Variants in KIF26B observed in about 807,000 individuals in gnomAD.
KIF26B encodes the protein kinesin-like protein KIF26B.
Under a neutral mutation model 151.2 loss-of-function variants are expected in KIF26B, and 63 were observed. The ratio of observed to expected loss-of-function variants is 0.42; its 90% confidence interval spans 0.34 to 0.51. The LOEUF is 0.51. Ranked by LOEUF, KIF26B falls within the 20% of genes least tolerant of loss-of-function variation. The probability of loss-of-function intolerance (pLI) is 0.07; values close to 1 mark genes in which losing one functional copy is unlikely to be tolerated. For synonymous variants in KIF26B, 1,357 were observed against 1,262.1 expected (o/e 1.08, Z -1.59); for missense variants, 2,813 against 2,913.6 (o/e 0.97, Z 0.79).
chr1:245,651,756 G>A (rs543257987), intron 10 of KIF26B, among the ~76,000 whole-genome samples: 5 of 152,166 alleles, frequency 3.3e-5, no homozygotes, highest in South Asian at 2.1e-4. Flanking sequence ...CTGTGTGTGC[G>A]AGGGATCTAG....
intron 12 of KIF26B, among the ~76,000 whole-genome samples, chr1:245,695,015 T>C (rs948089707): frequency 4.6e-5 from 7 of 152,072 alleles, no homozygotes; most frequent in Admixed American, 2.0e-4. Flanking sequence ...ACCACACGAC[T>C]CCCGCCAGGG....
At chr1:245,203,266 G>C (rs567889743) in intron 2 of KIF26B, among the ~76,000 whole-genome samples, 4 of 56,960 alleles carry the variant, frequency 7.0e-5, no homozygotes, top group African/African-American at 2.2e-4. Flanking sequence ...AAAAGAAAAT[G>C]AGTTAAAGTT....
intron 2 of KIF26B, among the ~76,000 whole-genome samples, chr1:245,245,259 G>C (rs1284054872): frequency 1.3e-5 from 2 of 152,164 alleles, no homozygotes; most frequent in Non-Finnish European, 2.9e-5. Context: ...TTGTCTCTCT[G>C]AGATAGCCAC....
At chr1:245,278,105 C>CA (rs1245292813) in intron 2 of KIF26B, among the ~76,000 whole-genome samples, 4 of 152,072 alleles carry the variant, frequency 2.6e-5, no homozygotes, top group Non-Finnish European at 5.9e-5. Context: ...AGGGAGGTGG[C>CA]ATAATAACAA....
chr1:245,336,510 C>T (rs928976348), intron 2 of KIF26B, among the ~76,000 whole-genome samples: 4 of 152,198 alleles, frequency 2.6e-5, no homozygotes, highest in Non-Finnish European at 5.9e-5. Context: ...CCTTTCTTCA[C>T]GCACGTGGAA....
chr1:245,568,771 C>G (rs944879627), intron 5 of KIF26B, among the ~76,000 whole-genome samples: 2 of 152,090 alleles, frequency 1.3e-5, no homozygotes, highest in Non-Finnish European at 2.9e-5. Flanking sequence ...AGTGTCACAG[C>G]AAGGGTCAAG....
At chr1:245,368,956 G>A (rs113235001) in intron 3 of KIF26B, among the ~76,000 whole-genome samples, 5,391 of 152,026 alleles carry the variant, frequency 0.035, 309 homozygotes, top group African/African-American at 0.12. Context: ...GCATCCTGGC[G>A]AAAACCCGTC....
In KIF26B at chr1:245,640,667, TATCA is replaced by T. The variant is rs1467851919; in HGVS notation, c.2099-5451_2099-5448del. ...TAATTTGCTGCTTTTATTTTTTGTT[TATCA>T]ATTATAGATTTTTGCTTTAGGTTAC... is the stretch of plus-strand genomic sequence containing the variant. On this transcript the variant is annotated intron_variant, in intron 9 of 14. Coordinates refer to ENST00000407071, the MANE Select transcript of KIF26B (RefSeq NM_018012.4). Among the ~76,000 whole-genome samples, 11 of 152,282 alleles carry T rather than the reference TATCA, an allele frequency of 7.2e-5. No individual in the cohort carries two copies. In the East Asian group the frequency reaches 2.1e-3, roughly 29 times the overall value.
In KIF26B at chr1:245,540,422, T is replaced by A. The variant is rs1413095879; in HGVS notation, c.1167-345T>A. ...CGCACCTGAGTTTATGCCAGAGAAGTTGTGGAGTGATGAACTTAATGGGTG... is the reference window on the plus strand; with the variant it reads ...CGCACCTGAGTTTATGCCAGAGAAGATGTGGAGTGATGAACTTAATGGGTG... On this transcript the variant is annotated intron_variant, in intron 4 of 14. Coordinates refer to ENST00000407071, the MANE Select transcript of KIF26B (RefSeq NM_018012.4). The surrounding 1 kb of genome is among the most constrained non-coding windows in gnomAD (Gnocchi z 4.6). Among the ~76,000 whole-genome samples the A allele has an allele frequency of 6.6e-6, 1 of 152,170 alleles. No homozygotes were observed. The highest frequency in any genetic ancestry group is 1.9e-4 in the East Asian group (1 of 5,190).
intron 5 of KIF26B, among the ~76,000 whole-genome samples, chr1:245,541,199 G>C (rs1354327727): frequency 6.6e-6 from 1 of 152,190 alleles, no homozygotes; most frequent in African/African-American, 2.4e-5. Flanking sequence ...TGCATTGTTT[G>C]ACAGAATCGT....
At chr1:245,679,457 GTTTTTTTTTTTTTTT>G (rs35663208) in intron 10 of KIF26B, among the ~76,000 whole-genome samples, 1 of 59,176 alleles carries the variant, frequency 1.7e-5, no homozygotes, top group African/African-American at 6.0e-5. Context: ...TTTTGTGTGT[GTTTTTTTTTTTTTTT>G]TTTTTTTTTT....
chr1:245,472,685 G>C (rs972020673), intron 4 of KIF26B, among the ~76,000 whole-genome samples: 1 of 152,200 alleles, frequency 6.6e-6, no homozygotes, highest in African/African-American at 2.4e-5. Context: ...GTGGTTGGCC[G>C]TCTTTCTCTG....
chr1:245,302,559 A>C (rs1274925343), intron 2 of KIF26B, among the ~76,000 whole-genome samples: 4 of 152,240 alleles, frequency 2.6e-5, no homozygotes, highest in Non-Finnish European at 4.4e-5. Context: ...CAAGGAACTT[A>C]ATAGCTTTCT....
intron 3 of KIF26B, among the ~76,000 whole-genome samples, chr1:245,383,247 A>C (rs1572034711): frequency 6.6e-6 from 1 of 152,084 alleles, no homozygotes; most frequent in Admixed American, 6.6e-5. Context: ...TAGAAAACCG[A>C]GGCATCCCTC....
At chr1:245,522,962 T>C (rs1661161255) in intron 4 of KIF26B, among the ~76,000 whole-genome samples, 1 of 152,196 alleles carries the variant, frequency 6.6e-6, no homozygotes, top group African/African-American at 2.4e-5. Flanking sequence ...TTAACAATAA[T>C]GGGAGCAAAC....
chr1:245,340,939 G>T (rs1672320676), intron 2 of KIF26B, among the ~76,000 whole-genome samples: 1 of 152,186 alleles, frequency 6.6e-6, no homozygotes, highest in South Asian at 2.1e-4. Context: ...AGTGCCCAAA[G>T]TGGGGACGTC....
chr1:245,322,697 T>G (rs1381001730), intron 2 of KIF26B, among the ~76,000 whole-genome samples: 1 of 152,188 alleles, frequency 6.6e-6, no homozygotes, highest in African/African-American at 2.4e-5. Context: ...TTGTTTATAA[T>G]TATTAAAGAT....
At chr1:245,220,332 AG>A (rs1010294819) in intron 2 of KIF26B, among the ~76,000 whole-genome samples, 2 of 152,148 alleles carry the variant, frequency 1.3e-5, no homozygotes, top group African/African-American at 4.8e-5. Context: ...TGGGCTTTTA[AG>A]GTAAGAATGA....
chr1:245,215,525 G>A (rs552028925), intron 2 of KIF26B, among the ~76,000 whole-genome samples: 2 of 152,260 alleles, frequency 1.3e-5, no homozygotes, highest in East Asian at 1.9e-4. Context: ...AGCCAGTGGA[G>A]GCTTCTCCTC....
Sources: gnomAD v4.1 joint callset for allele counts (sites outside exome capture counted in the v4.1 genomes callset) on GRCh38, gnomAD v4.1.1 for gene constraint, Gnocchi (gnomAD v3.1) non-coding constraint, MANE v1.5 for transcripts, NCBI Gene and HGNC (gene_info 2026-07-23, HGNC 2026-07-21) for gene names.